The following GALNT13 variants were observed in gnomAD, a reference collection of about 807,000 sequenced individuals.
GALNT13 encodes the protein polypeptide N-acetylgalactosaminyltransferase 13, also known as UDP-GalNAc:polypeptide N-acetylgalactosaminyltransferase 13.
A neutral mutation model predicts 64.2 loss-of-function variants in GALNT13; 28 were observed. The ratio of observed to expected loss-of-function variants is 0.44; its 90% CI spans 0.32 to 0.60. The LOEUF (loss-of-function observed/expected upper bound fraction) is 0.60. GALNT13 is among the 20% of genes least tolerant of loss of function. GALNT13 has a pLI of 0.05. For missense variants in GALNT13, 577 were observed against 669.8 expected, an observed-to-expected ratio of 0.86 and a Z score of 1.53; for synonymous variants, 214 against 224.6, an observed-to-expected ratio of 0.95 and a Z score of 0.42.
chr2:153,690,995 T>C, the GALNT13 span, among the ~76,000 whole-genome samples: 6 of 152,118 alleles, frequency 3.9e-5, no homozygotes, highest in South Asian at 1.2e-3. Flanking sequence ...CCTGAGAAAA[T>C]GGGTAGACCA....
the GALNT13 span, among the ~76,000 whole-genome samples, chr2:153,582,142 C>G: frequency 2.8e-3 from 430 of 152,120 alleles, 9 homozygotes; most frequent in Admixed American, 0.023. Flanking sequence ...GGATATTTAC[C>G]AAAATATTAC....
At chr2:154,388,935 G>A (rs1389347099) in intron 9 of GALNT13, among the ~76,000 whole-genome samples, 1 of 151,886 alleles carries the variant, frequency 6.6e-6, no homozygotes, top group African/African-American at 2.4e-5. Context: ...GACTGTTAAA[G>A]GTAAAAAGGA....
chr2:153,264,497 T>A, the GALNT13 span, among the ~76,000 whole-genome samples: 1 of 152,326 alleles, frequency 6.6e-6, no homozygotes, highest in Non-Finnish European at 1.5e-5. Context: ...TGTATGCTCA[T>A]TGTAACACTA....
the GALNT13 span, among the ~76,000 whole-genome samples, chr2:153,835,729 A>G: frequency 1.3e-5 from 2 of 152,228 alleles, no homozygotes; most frequent in Admixed American, 1.3e-4. Context: ...TGATTATTTT[A>G]GTGCTATCAC....
the GALNT13 span, among the ~76,000 whole-genome samples, chr2:153,665,555 A>G: frequency 6.6e-6 from 1 of 152,142 alleles, no homozygotes; most frequent in African/African-American, 2.4e-5. Flanking sequence ...CTTAAATTAC[A>G]AAATATCAAA....
chr2:154,222,771 G>A (rs1266312565), intron 4 of GALNT13, among the ~76,000 whole-genome samples: 3 of 152,026 alleles, frequency 2.0e-5, no homozygotes, highest in Non-Finnish European at 2.9e-5. Context: ...AATCAGGGAC[G>A]GGTTGAGGAT....
the GALNT13 span, among the ~76,000 whole-genome samples, chr2:153,620,743 C>A: frequency 6.6e-6 from 1 of 151,894 alleles, no homozygotes; most frequent in African/African-American, 2.4e-5. Flanking sequence ...ATCTCTGTTT[C>A]TCCTGGATTG....
At chr2:154,171,343 C>T (rs934116710) in intron 4 of GALNT13, among the ~76,000 whole-genome samples, 4 of 152,124 alleles carry the variant, frequency 2.6e-5, no homozygotes, top group Admixed American at 2.0e-4. Context: ...ACCTACTCCA[C>T]CAGAAACATT....
intron 9 of GALNT13, among the ~76,000 whole-genome samples, chr2:154,326,789 A>C (rs1369921673): frequency 6.6e-6 from 1 of 152,138 alleles, no homozygotes; most frequent in Admixed American, 6.6e-5. Flanking sequence ...AGTAAGAGGG[A>C]AGGACAAAAA....
chr2:153,764,852 T>A, the GALNT13 span, among the ~76,000 whole-genome samples: 1 of 152,166 alleles, frequency 6.6e-6, no homozygotes, highest in Non-Finnish European at 1.5e-5. Flanking sequence ...CTGCTTCACA[T>A]CCAGCCATAG....
the GALNT13 span, among the ~76,000 whole-genome samples, chr2:153,825,361 G>T: frequency 3.9e-5 from 6 of 152,182 alleles, no homozygotes; most frequent in African/African-American, 1.4e-4. Flanking sequence ...TGGTAGGAAG[G>T]AGATTATAAG....
At chr2:153,672,770 G>GTT in the GALNT13 span, among the ~76,000 whole-genome samples, 374 of 143,268 alleles carry the variant, frequency 2.6e-3, 4 homozygotes, top group African/African-American at 7.3e-3. Context: ...TCCAGGAGGT[G>GTT]TTTTTTTTTT....
chr2:153,934,356 A>T (rs921517527), intron 2 of GALNT13, among the ~76,000 whole-genome samples: 3 of 152,174 alleles, frequency 2.0e-5, no homozygotes, highest in African/African-American at 7.2e-5. Flanking sequence ...ACACAGACAG[A>T]CACACATACA....
the GALNT13 span, chr2:153,337,895 A>G: frequency 6.6e-6 from 1 of 152,232 alleles, no homozygotes; most frequent in African/African-American, 2.4e-5. Context: ...TCTAAATAAT[A>G]CAAAATACAG....
intron 11 of GALNT13, among the ~76,000 whole-genome samples, chr2:154,434,570 T>C (rs190244905): frequency 1.8e-4 from 28 of 152,222 alleles, no homozygotes; most frequent in Non-Finnish European, 2.9e-4. Context: ...AAATGGAGCA[T>C]AGACATCATC....
At chr2:154,045,929 A>G (rs534568625) in intron 3 of GALNT13, among the ~76,000 whole-genome samples, 10 of 152,142 alleles carry the variant, frequency 6.6e-5, no homozygotes, top group African/African-American at 2.4e-4. Context: ...CTGTCTAGTA[A>G]GTCTTTTTTT....
chr2:153,472,041 G>A, the GALNT13 span, among the ~76,000 whole-genome samples: 3 of 152,124 alleles, frequency 2.0e-5, no homozygotes, highest in Admixed American at 1.3e-4. Context: ...TCAATACTAC[G>A]TAGAATATGA....
the GALNT13 span, among the ~76,000 whole-genome samples, chr2:153,525,120 G>C: frequency 6.6e-6 from 1 of 152,190 alleles, no homozygotes; most frequent in Non-Finnish European, 1.5e-5. Flanking sequence ...CTAACTACTG[G>C]ATGACTTTCC....
the GALNT13 span, among the ~76,000 whole-genome samples, chr2:153,274,784 T>C: frequency 1.4e-4 from 22 of 152,242 alleles, no homozygotes; most frequent in Non-Finnish European, 2.9e-4. Flanking sequence ...TACTTCCAGT[T>C]GTTTTCAATC....
Sources: allele counts gnomAD v4.1 joint callset (sites outside exome capture counted in the v4.1 genomes callset), GRCh38; gene constraint gnomAD v4.1.1; transcripts MANE v1.5; gene names NCBI Gene and HGNC (gene_info 2026-07-23, HGNC 2026-07-21).